RETSAT: variants seen among roughly 807,000 people sequenced by gnomAD.
The protein encoded by RETSAT is all-trans-retinol 13,14-reductase.
Under a neutral mutation model 61.6 loss-of-function variants are expected in RETSAT, and 35 were observed. That is an observed-to-expected ratio of 0.57 (90% CI 0.43 to 0.75). The LOEUF is 0.75. Among genes scored for constraint, RETSAT ranks in the 30% least tolerant of loss-of-function variants. The probability of loss-of-function intolerance (pLI) is 0.00; values close to 1 mark genes in which losing one functional copy is unlikely to be tolerated. For missense variants in RETSAT, 670 were observed against 759.5 expected, an observed-to-expected ratio of 0.88 and a Z score of 1.38; for synonymous variants, 277 against 310.4, an observed-to-expected ratio of 0.89 and a Z score of 1.13.
At position 85,350,804 on chromosome 2, in the gene RETSAT, A is replaced by G. The variant is rs1228783139; in HGVS notation, c.573T>C (p.Ile191=). The G allele has an allele frequency of 6.2e-7, 1 of 1,614,214 alleles. No individual in the cohort carries two copies. Among genetic ancestry groups the G allele is most frequent in the South Asian group, 1.1e-5 (1 of 91,086 alleles). The change falls in exon 3 of 11, where the codon ATT becomes ATC. Residue 191 remains isoleucine (I), a synonymous_variant. Transcript: ENST00000295802. ...CCTTAACCAGCTTTATATACTTGTCAATGATAGCTTCCTCCTGTGGAAACT... is the reference window on the plus strand; with the variant it reads ...CCTTAACCAGCTTTATATACTTGTCGATGATAGCTTCCTCCTGTGGAAACT... ...KEKFPQEEAI[I]DKYIKLVKVV...
intron 2 of RETSAT, 128 bp downstream of exon 2, chr2:85,351,552 A>C (rs1683299995): frequency 1.0e-6 from 1 of 976,776 alleles, no homozygotes; most frequent in African/African-American, 1.6e-5. Context: ...CAAACAAAGA[A>C]AAAAAGTACC....
chr2:85,345,595 T>C, intron 6 of RETSAT: 1 of 364,820 alleles, frequency 2.7e-6, no homozygotes, highest in East Asian at 7.2e-5. Context: ...ACCTCTTAGC[T>C]GCGTTGGCTC....
chr2:85,350,282 C>T (rs1558683641), intron 3 of RETSAT, 41 bp from the exon 4 acceptor site: 2 of 1,487,276 alleles, frequency 1.3e-6, no homozygotes, highest in South Asian at 1.1e-5. Context: ...ACCTCTAGAA[C>T]CGCTTTGACA....
At chr2:85,343,533 G>A (rs1165488588) in intron 10 of RETSAT, 106 bp downstream of exon 10, 14 of 1,543,288 alleles carry the variant, frequency 9.1e-6, no homozygotes, top group Admixed American at 1.8e-5. Flanking sequence ...CTGCTCAGGG[G>A]ATGGGAGGCT....
At chr2:85,345,581 C>A (rs1365497330) in intron 6 of RETSAT, 3 of 355,744 alleles carry the variant, frequency 8.4e-6, no homozygotes, top group South Asian at 6.6e-5. Flanking sequence ...ATGAAGGTGG[C>A]GGGACCTCTT....
rs749592948 is a variant in RETSAT at position 85,344,195 on chromosome 2, C to G, written c.1367-30G>C. 3.1e-6 allele frequency: 5 copies of G among 1,614,088 alleles called. No individual in the cohort carries two copies. In the Admixed American group the frequency reaches 8.3e-5, roughly 27 times the overall value. ...GGATCAGAGCTGATATTACTACTGC[C>G]CGGCCTCTCCCTCCACCCCCTCACC... is the stretch of plus-strand genomic sequence containing the variant. On this transcript the variant is annotated intron_variant, in intron 8 of 10. Transcript: ENST00000295802.
intron 5 of RETSAT, 32 bp downstream of exon 5, chr2:85,349,352 C>G (rs1292107600): frequency 1.2e-6 from 2 of 1,612,164 alleles, no homozygotes; most frequent in East Asian, 4.5e-5. Context: ...AACCCAGGGA[C>G]CCAGAAGGGC....
intron 2 of RETSAT, 169 bp downstream of exon 2, chr2:85,351,511 C>A: frequency 1.5e-6 from 1 of 666,290 alleles, no homozygotes; most frequent in Middle Eastern, 3.3e-4. Context: ...TGCGCTCCAG[C>A]CTGGGTGATG....
intron 1 of RETSAT, among the ~76,000 whole-genome samples, chr2:85,352,776 T>C (rs1176384622): frequency 2.6e-5 from 4 of 152,162 alleles, no homozygotes; most frequent in African/African-American, 9.7e-5. Flanking sequence ...TGAAAAGGCT[T>C]GGGCAGGACA....
rs139862735 is a variant in RETSAT at position 85,344,619 on chromosome 2, A to T, written c.1231T>A (p.Tyr411Asn). 4 of 1,614,056 alleles carry T rather than the reference A, an allele frequency of 2.5e-6. No individual in the cohort carries two copies. In the African/African-American group the frequency reaches 5.3e-5, roughly 22 times the overall value. ...GCCTGGTCCATGTCCGTGTCATAGT[A>T]AACATAGTAGTTGGTGGACGGCAGA... ...LHLPSTNYYV[Y>N]YDTDMDQAME... The change falls in exon 7 of 11, where the codon TAC becomes AAC. Residue 411 changes from tyrosine (Y) to asparagine (N), a missense_variant. Physicochemically the swap from Tyr to Asn is moderately radical, Grantham distance 143 (BLOSUM62 -2). Coordinates refer to ENST00000295802, the MANE Select transcript of RETSAT (RefSeq NM_017750.4).
intron 3 of RETSAT, among the ~76,000 whole-genome samples, chr2:85,350,509 A>T (rs1325032350): frequency 6.6e-6 from 1 of 152,224 alleles, no homozygotes; most frequent in East Asian, 1.9e-4. Context: ...AGGAGTAGTG[A>T]TCTGATGTCA....
Position 85,350,927 on chromosome 2 carries a change from G to A in RETSAT, c.450C>T (p.Ser150=), listed in dbSNP as rs139170717. ...CCAGTACCATGATGTCAAAAGGAGAGGACAGGGGAGCCCAGTCCAGCTGCC... is the reference window on the plus strand; with the variant it reads ...CCAGTACCATGATGTCAAAAGGAGAAGACAGGGGAGCCCAGTCCAGCTGCC... ...TEGQLDWAPL[S]SPFDIMVLEG... is the part of the protein sequence containing the mutation. The change falls in exon 3 of 11, where the codon TCC becomes TCT. Residue 150 remains serine, a synonymous_variant. Coordinates refer to ENST00000295802, the MANE Select transcript of RETSAT (RefSeq NM_017750.4). The A allele has an allele frequency of 2.5e-6, 4 of 1,614,186 alleles. No individual in the cohort carries two copies. Among genetic ancestry groups the A allele is most frequent in the Non-Finnish European group, 3.4e-6 (4 of 1,180,038 alleles).
chr2:85,349,779 C>T (rs547076346), intron 4 of RETSAT, 198 bp from the exon 5 acceptor site: 9 of 633,642 alleles, frequency 1.4e-5, no homozygotes, highest in African/African-American at 1.3e-4. Context: ...GTAGGAATAC[C>T]CCCCCTGCAA....
At chr2:85,351,888 G>T in intron 1 of RETSAT, 26 bp from the exon 2 acceptor site, 1 of 1,606,288 alleles carries the variant, frequency 6.2e-7, no homozygotes, top group Non-Finnish European at 8.5e-7. Flanking sequence ...CAAAGGGTGG[G>T]TTTCTCAGGC....
intron 5 of RETSAT, among the ~76,000 whole-genome samples, chr2:85,348,649 A>G (rs1417225763): frequency 2.0e-5 from 3 of 151,540 alleles, no homozygotes; most frequent in East Asian, 1.9e-4. Flanking sequence ...AAAAAAAAAA[A>G]AAGAAGACAG....
chr2:85,351,606 T>G, intron 2 of RETSAT, 74 bp downstream of exon 2: 1 of 1,418,630 alleles, frequency 7.0e-7, no homozygotes, highest in Non-Finnish European at 9.6e-7. Context: ...ATGCTCAGTA[T>G]CACCCCACAA....
At position 85,344,473 on chromosome 2, in the gene RETSAT, G is replaced by A. The variant is rs180932430; in HGVS notation, c.1256+121C>T. ...TGAAGCTGAGCCACAGCCTTGGCGT[G>A]ACAAACTTCCAGGAGCAAATTAGAA... On this transcript the variant is annotated intron_variant, in intron 7 of 10. Transcript: ENST00000295802. 1.3e-5 allele frequency: 20 copies of A among 1,537,012 alleles called. No homozygotes were observed. The Admixed American group carries it at 3.0e-4, about 23-fold the overall frequency.
chr2:85,353,790 T>C (rs550446575), intron 1 of RETSAT, among the ~76,000 whole-genome samples: 26 of 152,320 alleles, frequency 1.7e-4, no homozygotes, highest in Middle Eastern at 3.4e-3. Context: ...CCACAAAATA[T>C]GTTTTAAAGA....
rs1219686688 is a variant in RETSAT, at chr2:85,351,010, T to C, written c.367A>G (p.Ile123Val). ...GLEFDTGIHY[I>V]GRMEEGSIGR... ...ATGCTGCCCTCTTCCATACGCCCAA[T>C]GTAATGGATTCCTGTTGGGAGATGG... Residue 123 changes from isoleucine (I) to valine (V), a missense_variant, in exon 3 of 11, where the codon ATT becomes GTT. Coordinates refer to ENST00000295802, the MANE Select transcript of RETSAT (RefSeq NM_017750.4). 6.2e-7 allele frequency: 1 copy of C among 1,613,894 alleles called. No homozygotes were observed. Among genetic ancestry groups the C allele is most frequent in the Non-Finnish European group, 8.5e-7 (1 of 1,180,010 alleles).
Sources: allele counts gnomAD v4.1 joint callset (sites outside exome capture counted in the v4.1 genomes callset), GRCh38; gene constraint gnomAD v4.1.1; transcripts MANE v1.5; gene names NCBI Gene and HGNC (gene_info 2026-07-23, HGNC 2026-07-21).